BTN2A1: variants seen among roughly 807,000 people sequenced by gnomAD.
BTN2A1 encodes butyrophilin, subfamily 2, member A1.
Under a neutral mutation model 34.5 loss-of-function variants are expected in BTN2A1, and 41 were observed. The observed-to-expected ratio is 1.19, with a 90% CI of 0.93 to 1.54. The LOEUF is 1.54. BTN2A1 is among the 40% of genes most tolerant of loss of function. BTN2A1 has a pLI of 0.00. For synonymous variants in BTN2A1, 267 were observed against 258.6 expected, an observed-to-expected ratio of 1.03 and a Z score of -0.31; for missense variants, 642 against 662.0, an observed-to-expected ratio of 0.97 and a Z score of 0.33.
In BTN2A1 at chr6:26,466,042, T is replaced by C. The variant is rs539775731; in HGVS notation, c.956-20T>C. ...GCTCAGCAACATCTCATGACATTCG[T>C]CTCTGTCTGTCCCTTGCAGGATGGA... On this transcript the variant is annotated intron_variant, in intron 6 of 7. Transcript: ENST00000312541. 2.5e-6 allele frequency: 4 copies of C among 1,614,196 alleles called. No homozygotes were observed. The highest frequency in any genetic ancestry group is 2.7e-5 in the African/African-American group (2 of 75,054).
intron 1 of BTN2A1, 30 bp from the exon 2 acceptor site, chr6:26,458,577 T>C: frequency 1.3e-6 from 2 of 1,588,410 alleles, no homozygotes; most frequent in Non-Finnish European, 8.6e-7. Flanking sequence ...GTGCCAAGAC[T>C]CCTAGGCTGA....
chr6:26,463,450 T>C lies in BTN2A1; in HGVS notation c.637T>C (p.Ser213Pro). 1.9e-6 allele frequency: 3 copies of C among 1,614,036 alleles called. No individual in the cohort carries two copies. The highest frequency in any genetic ancestry group is 2.5e-6 in the Non-Finnish European group (3 of 1,179,972). Residue 213 changes from serine (S) to proline (P), a missense_variant, in exon 4 of 8, where the codon TCT (serine) becomes CCT (proline). Transcript: ENST00000312541. ...CACGGCTGTGATCATCAGAGACAAGTCTGTGAGGAACATGTCCTGCTCTAT... is the reference window on the plus strand; with the variant it reads ...CACGGCTGTGATCATCAGAGACAAGCCTGTGAGGAACATGTCCTGCTCTAT... ...VTTAVIIRDK[S>P]VRNMSCSINN... is the part of the protein sequence containing the mutation.
chr6:26,469,646 T>G (rs1763415572), downstream of BTN2A1: 1 of 152,426 alleles, frequency 6.6e-6, no homozygotes, highest in Non-Finnish European at 1.5e-5. Context: ...TGGCATTGAT[T>G]AACTTTTTCC....
rs149038955 is a variant in BTN2A1, at chr6:26,459,601, G to A, written c.203G>A (p.Arg68Gln). ...NAEDMEVRWFRSQFSPAVFVY... is the reference protein window; with the variant it reads ...NAEDMEVRWFQSQFSPAVFVY... ...GAGGACATGGAGGTGCGGTGGTTCC[G>A]GTCTCAGTTCTCCCCCGCAGTGTTT... Residue 68 changes from arginine (R) to glutamine (Q), a missense_variant, in exon 3 of 8, where the codon CGG (arginine) becomes CAG (glutamine). By Grantham distance (43) the Arg-to-Gln change is conservative. Coordinates refer to ENST00000312541, the MANE Select transcript of BTN2A1 (RefSeq NM_007049.5). The A allele has an allele frequency of 1.5e-4, 240 of 1,613,828 alleles. No homozygotes were observed. Among genetic ancestry groups the A allele is most frequent in the African/African-American group, 6.4e-4 (48 of 74,824 alleles).
chr6:26,462,919 G>T (rs1311892314), intron 3 of BTN2A1: 1 of 1,278,028 alleles, frequency 7.8e-7, no homozygotes, highest in Non-Finnish European at 1.0e-6. Context: ...AGTCTGGCAG[G>T]ATAAATTGAA....
chr6:26,461,978 G>A (rs554410875), intron 3 of BTN2A1, among the ~76,000 whole-genome samples: 20 of 151,592 alleles, frequency 1.3e-4, no homozygotes, highest in Non-Finnish European at 2.8e-4. Context: ...CCATGATCAT[G>A]CTTCTGCATT....
chr6:26,461,222 A>G (rs1212563120), intron 3 of BTN2A1, among the ~76,000 whole-genome samples: 5 of 152,240 alleles, frequency 3.3e-5, no homozygotes, highest in Admixed American at 2.6e-4. Context: ...GGAATCTGCC[A>G]TTCTTTGCCT....
chr6:26,459,975 A>C (rs1561869083), intron 3 of BTN2A1, 147 bp downstream of exon 3: 2 of 278,404 alleles, frequency 7.2e-6, no homozygotes, highest in Non-Finnish European at 1.2e-5. Context: ...TTCCAGGGAA[A>C]AATCCTTCCT....
chr6:26,465,139 G>T (rs1315030992), intron 4 of BTN2A1, 46 bp from the exon 5 acceptor site: 2 of 1,548,190 alleles, frequency 1.3e-6, no homozygotes, highest in African/African-American at 2.7e-5. Flanking sequence ...TCTTACCCCA[G>T]ATGTTCTGTT....
chr6:26,476,124 CCA>C lies in BTN2A1; in HGVS notation c.986_987del (p.Pro329ArgfsTer18). On this transcript the variant is annotated frameshift_variant, in exon 8 of 8. Coordinates refer to the BTN2A1 transcript ENST00000469185. LOFTEE classifies it high-confidence loss of function. ...CTATGTCTCCTTTTGAGTTGTAGGGCCAGTTTGAAGCTTTATATATCATTTAC... is the reference window on the plus strand; with the variant it reads ...CTATGTCTCCTTTTGAGTTGTAGGGCGTTTGAAGCTTTATATATCATTTAC... 1.3e-6 allele frequency: 2 copies of C among 1,535,982 alleles called. No homozygotes were observed.
downstream of BTN2A1, among the ~76,000 whole-genome samples, chr6:26,470,358 G>T (rs547750781): frequency 3.4e-4 from 51 of 151,922 alleles, no homozygotes; most frequent in South Asian, 8.7e-3. Context: ...AAACAAAGAG[G>T]GGGAGGGAAC....
intron 3 of BTN2A1, 125 bp downstream of exon 3, chr6:26,459,953 G>A (rs1763119020): frequency 2.0e-5 from 2 of 102,342 alleles, no homozygotes; most frequent in African/African-American, 7.9e-5. Flanking sequence ...CACTCTCCCT[G>A]TGGAAACGGA....
At chr6:26,462,976 C>T in intron 3 of BTN2A1, 2 of 1,137,892 alleles carry the variant, frequency 1.8e-6, no homozygotes, top group Non-Finnish European at 2.3e-6. Context: ...GTGATGGGGC[C>T]TATAGGTGGA....
At chr6:26,467,297 G>A (rs1247443968) in intron 7 of BTN2A1, among the ~76,000 whole-genome samples, 1 of 152,104 alleles carries the variant, frequency 6.6e-6, no homozygotes, top group African/African-American at 2.4e-5. Flanking sequence ...GAGATCATAG[G>A]TCTTCATTTG....
downstream of BTN2A1, among the ~76,000 whole-genome samples, chr6:26,470,737 C>T (rs1361790313): frequency 2.6e-5 from 4 of 152,138 alleles, no homozygotes; most frequent in East Asian, 3.9e-4. Flanking sequence ...CCAGGCTCTC[C>T]GGCCTTTGGT....
At chr6:26,465,590 A>G (rs1490200740) in intron 5 of BTN2A1, among the ~76,000 whole-genome samples, 184 bp downstream of exon 5, 1 of 152,174 alleles carries the variant, frequency 6.6e-6, no homozygotes, top group Non-Finnish European at 1.5e-5. Context: ...TAGAAAGGAC[A>G]CAGCTCTCCC....
rs778219733 is a variant in BTN2A1, at chr6:26,467,992, C to T, written c.1027C>T (p.Leu343=). 6 of 1,614,118 alleles carry T rather than the reference C, an allele frequency of 3.7e-6. No homozygotes were observed. In the Admixed American group the frequency reaches 1.0e-4, roughly 27 times the overall value. The part of the protein sequence containing the change: ...DPDTAHPDLF[L]SEDRRSVRRC... Reference sequence around the variant, plus strand: ...AGACACCGCTCATCCCGATCTCTTCCTGTCAGAGGACCGGAGAAGTGTGAG... The same window carrying T: ...AGACACCGCTCATCCCGATCTCTTCTTGTCAGAGGACCGGAGAAGTGTGAG... The change falls in exon 8 of 8, where the codon CTG becomes TTG. Residue 343 remains leucine, a synonymous_variant. Transcript: ENST00000312541.
chr6:26,472,105 CTT>C (rs1015107958), downstream of BTN2A1, among the ~76,000 whole-genome samples: 1 of 152,038 alleles, frequency 6.6e-6, no homozygotes, highest in African/African-American at 2.4e-5. Flanking sequence ...TTAGTTCTGT[CTT>C]TATTTTCTTC....
At chr6:26,463,114 C>A in intron 3 of BTN2A1, 130 bp from the exon 4 acceptor site, 1 of 1,180,000 alleles carries the variant, frequency 8.5e-7, no homozygotes, top group Non-Finnish European at 1.2e-6. Flanking sequence ...TTTTTTCTTC[C>A]TTCCTATTTC....
Sources: gnomAD v4.1 joint callset for allele counts (sites outside exome capture counted in the v4.1 genomes callset) on GRCh38, gnomAD v4.1.1 for gene constraint, MANE v1.5 for transcripts, NCBI Gene and HGNC (gene_info 2026-07-23, HGNC 2026-07-21) for gene names.